Variants in POLR2B observed in about 807,000 individuals in gnomAD.
POLR2B encodes the protein RNA polymerase II subunit B, also known as DNA-directed RNA polymerase II subunit RPB2.
Under a neutral mutation model 144.6 loss-of-function variants are expected in POLR2B, and 57 were observed. The ratio of observed to expected loss-of-function variants is 0.39; its 90% CI spans 0.32 to 0.49. The LOEUF (loss-of-function observed/expected upper bound fraction) is 0.49. Among genes scored for constraint, POLR2B ranks in the 20% least tolerant of loss-of-function variants. The probability of loss-of-function intolerance (pLI) is 0.83; values close to 1 mark genes in which losing one functional copy is unlikely to be tolerated. For missense variants in POLR2B, 595 were observed against 1,467.4 expected (o/e 0.41, Z 9.71); for synonymous variants, 442 against 469.8 (o/e 0.94, Z 0.77).
At chr4:56,981,132 A>G (rs1722145169) in intron 1 of POLR2B, among the ~76,000 whole-genome samples, 1 of 152,114 alleles carries the variant, frequency 6.6e-6, no homozygotes, top group African/African-American at 2.4e-5. Context: ...TATTTAAGCA[A>G]ATATAAATGG....
intron 1 of POLR2B, among the ~76,000 whole-genome samples, chr4:56,980,460 G>T (rs944010960): frequency 6.6e-6 from 1 of 152,096 alleles, no homozygotes; most frequent in African/African-American, 2.4e-5. Context: ...AGTGGCTCAC[G>T]CCTGTTATCC....
At chr4:57,001,249 C>A (rs1332510680) in intron 7 of POLR2B, among the ~76,000 whole-genome samples, 1 of 151,958 alleles carries the variant, frequency 6.6e-6, no homozygotes, top group Non-Finnish European at 1.5e-5. Context: ...AGCTCTGCCT[C>A]CTGGGTTCAA....
At chr4:57,008,821 T>C (rs1723104348) in intron 10 of POLR2B, among the ~76,000 whole-genome samples, 1 of 152,144 alleles carries the variant, frequency 6.6e-6, no homozygotes, top group Admixed American at 6.6e-5. Context: ...ATAAGAGAGC[T>C]TAGAGAACTT....
At position 56,994,418 on chromosome 4, in the gene POLR2B, G is replaced by T. The variant is rs572044273; in HGVS notation, c.258G>T (p.Leu86=). The T allele has an allele frequency of 1.8e-5, 29 of 1,586,026 alleles. No homozygotes were observed. The South Asian group carries it at 3.2e-4, about 18-fold the overall frequency. The change falls in exon 4 of 25, where the codon CTG becomes CTT. Residue 86 remains leucine, a synonymous_variant. Coordinates refer to ENST00000314595, the MANE Select transcript of POLR2B (RefSeq NM_000938.3). Reference sequence around the variant, plus strand: ...TTTAATTTCAGCCACGATATTTGCTGAAGTTTGAACAAATTTATCTTTCCA... The same window carrying T: ...TTTAATTTCAGCCACGATATTTGCTTAAGTTTGAACAAATTTATCTTTCCA... ...GEVEEPPRYL[L]KFEQIYLSKP... is the part of the protein sequence containing the mutation.
intron 7 of POLR2B, among the ~76,000 whole-genome samples, chr4:57,003,848 TAAAAAA>T (rs796209267): frequency 6.9e-6 from 1 of 143,890 alleles, no homozygotes; most frequent in African/African-American, 2.5e-5. Context: ...CTGTGTCTCT[TAAAAAA>T]AAAAAGAAAA....
intron 9 of POLR2B, among the ~76,000 whole-genome samples, chr4:57,006,183 A>G (rs1003412547): frequency 6.6e-6 from 1 of 152,236 alleles, no homozygotes; most frequent in East Asian, 1.9e-4. Context: ...TAAAAATGAA[A>G]TATGTAGACA....
intron 7 of POLR2B, among the ~76,000 whole-genome samples, chr4:57,004,829 C>T (rs1578574040): frequency 6.6e-6 from 1 of 152,150 alleles, no homozygotes; most frequent in African/African-American, 2.4e-5. Context: ...GGACTACAGG[C>T]ATGTGCCACT....
intron 10 of POLR2B, 82 bp from the exon 11 acceptor site, chr4:57,010,279 T>C (rs1433298877): frequency 2.5e-6 from 3 of 1,186,214 alleles, no homozygotes; most frequent in Non-Finnish European, 3.7e-6. Flanking sequence ...GTAGATTATA[T>C]GTAAAAATAT....
rs1392899627 is a variant in POLR2B at position 57,018,274 on chromosome 4, A to G, written c.2323+546A>G. On this transcript the variant is annotated intron_variant, in intron 16 of 24. Coordinates refer to ENST00000314595, the MANE Select transcript of POLR2B (RefSeq NM_000938.3). The stretch of plus-strand genomic sequence containing the variant: ...AGGAATACCATTCTGACAGCGGCAT[A>G]AAGAGTAGATTACAATCAGGTACTG... Among the ~76,000 whole-genome samples the G allele has an allele frequency of 2.6e-5, 4 of 152,232 alleles. No individual in the cohort carries two copies. The East Asian group carries it at 7.7e-4, about 29-fold the overall frequency.
At chr4:56,996,361 A>C (rs556321888) in intron 6 of POLR2B, among the ~76,000 whole-genome samples, 17 of 145,038 alleles carry the variant, frequency 1.2e-4, no homozygotes, top group African/African-American at 4.3e-4. Context: ...GCTCAGTGCA[A>C]GCTCCGCCTC....
At chr4:57,007,578 T>A (rs1723061804) in intron 10 of POLR2B, among the ~76,000 whole-genome samples, 1 of 152,220 alleles carries the variant, frequency 6.6e-6, no homozygotes, top group African/African-American at 2.4e-5. Context: ...ACAGTCCATG[T>A]TAGTGAAATT....
At chr4:56,983,309 A>G (rs1166674465) in intron 1 of POLR2B, among the ~76,000 whole-genome samples, 1 of 140,240 alleles carries the variant, frequency 7.1e-6, no homozygotes, top group Non-Finnish European at 1.5e-5. Context: ...CTTGACTCCT[A>G]CCTTTGTCCC....
At chr4:57,001,420 C>T (rs2109674828) in intron 7 of POLR2B, among the ~76,000 whole-genome samples, 1 of 152,334 alleles carries the variant, frequency 6.6e-6, no homozygotes, top group Non-Finnish European at 1.5e-5. Flanking sequence ...CGTAGGCCTC[C>T]CAAGTGCTGG....
At chr4:56,993,557 G>C (rs1159335843) in intron 3 of POLR2B, among the ~76,000 whole-genome samples, 1 of 152,136 alleles carries the variant, frequency 6.6e-6, no homozygotes, top group Non-Finnish European at 1.5e-5. Context: ...TCTGAGACTT[G>C]ATTTAGAGAA....
chr4:57,008,873 G>T (rs997169591), intron 10 of POLR2B, among the ~76,000 whole-genome samples: 42 of 152,336 alleles, frequency 2.8e-4, no homozygotes, highest in African/African-American at 1.0e-3. Flanking sequence ...AGGAAGGAAT[G>T]TGTGTCTGTC....
At position 57,023,754 on chromosome 4, in the gene POLR2B, AG is replaced by A; in HGVS notation, c.2856+5del. 1.9e-6 allele frequency: 3 copies of A among 1,563,144 alleles called. No homozygotes were observed. The highest frequency in any genetic ancestry group is 2.6e-6 in the Non-Finnish European group (3 of 1,145,806). ...GTGGTATTCAGTATAGACAAGAGGT[AG>A]GTATCTTTGATCTCCCTCATGCCCA... On this transcript the variant is annotated splice_donor_region_variant and intron_variant, in intron 20 of 24. Coordinates refer to ENST00000314595, the MANE Select transcript of POLR2B (RefSeq NM_000938.3). This position sits in a 1 kb window ranked among gnomAD's most constrained non-coding sequence, Gnocchi z 4.3.
rs1440081657 is a variant in POLR2B, at chr4:56,983,366, AG to A, written c.20-2986del. On this transcript the variant is annotated intron_variant, in intron 1 of 24. Transcript: ENST00000314595. ...TGTTTATAACACGAGATCTCTGCTC[AG>A]GTTTTTTTTTTTTTTTTTTTTTTGA... 1.1e-4 allele frequency among the ~76,000 whole-genome samples: 12 copies of A among 110,128 alleles called. No homozygotes were observed. The East Asian group carries it at 2.4e-3, about 22-fold the overall frequency. The allele number at this position is 110,128 out of a possible 152,430, so 72.2% of individuals were successfully genotyped here.
At position 57,010,876 on chromosome 4, in the gene POLR2B, A is replaced by C. The variant is rs371810125; in HGVS notation, c.1677A>C (p.Ala559=). 267 of 1,609,538 alleles carry C rather than the reference A, an allele frequency of 1.7e-4. No individual in the cohort carries two copies. Among genetic ancestry groups the C allele is most frequent in the Admixed American group, 2.8e-4 (17 of 59,900 alleles). The change falls in exon 12 of 25, where the codon GCA becomes GCC. Residue 559 remains alanine, a synonymous_variant. Coordinates refer to ENST00000314595, the MANE Select transcript of POLR2B (RefSeq NM_000938.3). ...SMENLEEISP[A]AIADATKIFV... ...AAAATTTAGAAGAAATTTCTCCTGCAGCTATTGCTGAGTGTGTATAGATGG... is the reference window on the plus strand; with the variant it reads ...AAAATTTAGAAGAAATTTCTCCTGCCGCTATTGCTGAGTGTGTATAGATGG...
intron 23 of POLR2B, among the ~76,000 whole-genome samples, chr4:57,029,243 G>A (rs578205378): frequency 2.3e-4 from 35 of 152,190 alleles, no homozygotes; most frequent in African/African-American, 7.5e-4. Flanking sequence ...ATTAAATGGC[G>A]ATTTCCAACT....
Sources: allele counts gnomAD v4.1 joint callset (sites outside exome capture counted in the v4.1 genomes callset), GRCh38; gene constraint gnomAD v4.1.1; non-coding constraint Gnocchi (gnomAD v3.1); transcripts MANE v1.5; gene names NCBI Gene and HGNC (gene_info 2026-07-23, HGNC 2026-07-21).